Variants in RIMS1 observed in about 807,000 individuals in gnomAD.
RIMS1 encodes regulating synaptic membrane exocytosis 1, also known as regulating synaptic membrane exocytosis protein 1.
RIMS1 carries 83 observed loss-of-function variants against 214.1 expected under a neutral mutation model. The observed-to-expected ratio is 0.39, with a 90% CI of 0.32 to 0.47. RIMS1 has a LOEUF of 0.47. RIMS1 is among the 20% of genes least tolerant of loss of function. The probability of loss-of-function intolerance (pLI) is 0.99; values close to 1 mark genes in which losing one functional copy is unlikely to be tolerated. For synonymous variants in RIMS1, 793 were observed against 786.8 expected, an observed-to-expected ratio of 1.01 and a Z score of -0.13; for missense variants, 2,050 against 2,161.8, an observed-to-expected ratio of 0.95 and a Z score of 1.03.
At chr6:72,210,413 AT>A (rs1219751847) in intron 6 of RIMS1, among the ~76,000 whole-genome samples, 9 of 152,220 alleles carry the variant, frequency 5.9e-5, no homozygotes, top group Non-Finnish European at 1.0e-4. Flanking sequence ...AGAATAGAAT[AT>A]GCAGTGTGTC....
At chr6:72,194,726 A>T (rs1162947970) in intron 6 of RIMS1, among the ~76,000 whole-genome samples, 1 of 152,162 alleles carries the variant, frequency 6.6e-6, no homozygotes, top group African/African-American at 2.4e-5. Context: ...TAATCTTTCA[A>T]ATACAGTTTA....
chr6:72,221,639 T>A (rs2058472498), intron 6 of RIMS1, among the ~76,000 whole-genome samples: 1 of 151,902 alleles, frequency 6.6e-6, no homozygotes, highest in Non-Finnish European at 1.5e-5. Flanking sequence ...GAAACTGAGG[T>A]TGAGTTTAGG....
At chr6:72,373,659 AT>A (rs941544267) in intron 29 of RIMS1, among the ~76,000 whole-genome samples, 4 of 152,296 alleles carry the variant, frequency 2.6e-5, no homozygotes, top group African/African-American at 9.6e-5. Flanking sequence ...TAACATTTTC[AT>A]TCATTAAAGC....
intron 26 of RIMS1, among the ~76,000 whole-genome samples, chr6:72,304,249 G>A (rs995571580): frequency 2.6e-5 from 4 of 151,600 alleles, no homozygotes; most frequent in African/African-American, 9.7e-5. Flanking sequence ...GATTTGTGGG[G>A]TAATTGGAAA....
intron 4 of RIMS1, among the ~76,000 whole-genome samples, chr6:72,149,138 G>A (rs2043162766): frequency 1.3e-5 from 2 of 152,018 alleles, no homozygotes; most frequent in East Asian, 1.9e-4. Flanking sequence ...CCTTCAACAG[G>A]GGAAAAAAAA....
chr6:72,062,701 C>T (rs755266609), intron 2 of RIMS1, among the ~76,000 whole-genome samples: 3 of 152,122 alleles, frequency 2.0e-5, no homozygotes, highest in African/African-American at 7.2e-5. Context: ...CCGCACAGTG[C>T]TGGAAGCCAG....
intron 6 of RIMS1, among the ~76,000 whole-genome samples, chr6:72,202,096 G>C (rs114326902): frequency 6.6e-6 from 1 of 152,272 alleles, no homozygotes; most frequent in South Asian, 2.1e-4. Context: ...TTGTGCAATT[G>C]TGTCTTTTTT....
At chr6:71,997,800 G>T (rs989783113) in intron 2 of RIMS1, among the ~76,000 whole-genome samples, 1 of 152,064 alleles carries the variant, frequency 6.6e-6, no homozygotes, top group African/African-American at 2.4e-5. Flanking sequence ...AAATGAAGTT[G>T]ATAGGAAAAC....
At chr6:72,341,632 G>T (rs1041834723) in intron 29 of RIMS1, among the ~76,000 whole-genome samples, 1 of 151,728 alleles carries the variant, frequency 6.6e-6, no homozygotes, top group Non-Finnish European at 1.5e-5. Context: ...ATTTACACTG[G>T]AAGGAAATCA....
At chr6:72,008,620 T>C (rs573398289) in intron 2 of RIMS1, among the ~76,000 whole-genome samples, 1 of 151,978 alleles carries the variant, frequency 6.6e-6, no homozygotes, top group Non-Finnish European at 1.5e-5. Flanking sequence ...AATAAAAGGA[T>C]GGAGGAAGAT....
At chr6:71,953,313 T>C (rs1194437998) in intron 1 of RIMS1, among the ~76,000 whole-genome samples, 1 of 152,140 alleles carries the variant, frequency 6.6e-6, no homozygotes, top group Non-Finnish European at 1.5e-5. Flanking sequence ...AAGCCCTTTC[T>C]TGTGTTATTT....
Position 72,313,528 on chromosome 6 carries a change from A to G in RIMS1, c.3986A>G (p.Tyr1329Cys), listed in dbSNP as rs1246695466. Residue 1329 changes from tyrosine (Y) to cysteine (C), a missense_variant, in exon 28 of 34, where the codon TAC becomes TGC. This residue lies in a region of RIMS1 where 889 missense variants were observed against 885.5 expected (regional missense o/e 1.00). Transcript: ENST00000521978. Reference protein sequence around the residue: ...YSKYNIHKDQYRSCDNVSAKS... With the variant: ...YSKYNIHKDQCRSCDNVSAKS... Reference sequence around the variant, plus strand: ...TAGTATAACATACATAAAGATCAGTACAGAAGCTGTGATAACGTCTCTGCC... The same window carrying G: ...TAGTATAACATACATAAAGATCAGTGCAGAAGCTGTGATAACGTCTCTGCC... The G allele has an allele frequency of 6.2e-7, 1 of 1,613,602 alleles. No homozygotes were observed. The highest frequency in any genetic ancestry group is 8.5e-7 in the Non-Finnish European group (1 of 1,179,702).
chr6:71,952,065 G>A (rs753877525), intron 1 of RIMS1, among the ~76,000 whole-genome samples: 3 of 152,170 alleles, frequency 2.0e-5, no homozygotes, highest in Non-Finnish European at 4.4e-5. Flanking sequence ...GTTCCATCAT[G>A]CATGGGCAGG....
rs370380385 is a variant in RIMS1 at position 72,161,124 on chromosome 6, T to C, written c.472-18451T>C. On this transcript the variant is annotated intron_variant, in intron 4 of 33. Transcript: ENST00000521978. ...CCTGGTTTAGTTTTAGGAGGGTGTA[T>C]GTGTCAAGGAATTTATCCATTTCTT... 3.6e-5 allele frequency among the ~76,000 whole-genome samples: 5 copies of C among 140,482 alleles called. No individual in the cohort carries two copies. In the East Asian group the frequency reaches 1.0e-3, roughly 28 times the overall value. 92.2% of individuals were successfully genotyped at this position (140,482 alleles called of 152,430 possible).
intron 4 of RIMS1, among the ~76,000 whole-genome samples, chr6:72,159,143 G>T (rs1194728164): frequency 7.1e-6 from 1 of 141,010 alleles, no homozygotes. Context: ...TTTCTCTGAT[G>T]GCCAGTGATG....
chr6:72,109,464 T>C (rs2035547077), intron 4 of RIMS1, among the ~76,000 whole-genome samples: 1 of 152,156 alleles, frequency 6.6e-6, no homozygotes, highest in Non-Finnish European at 1.5e-5. Context: ...ATGGTGGGCA[T>C]TTTTTCATGT....
intron 23 of RIMS1, among the ~76,000 whole-genome samples, chr6:72,279,497 G>A (rs1226680186): frequency 6.6e-6 from 1 of 151,744 alleles, no homozygotes; most frequent in Non-Finnish European, 1.5e-5. Context: ...GTGAATAAAG[G>A]GAGAAAAACT....
intron 29 of RIMS1, among the ~76,000 whole-genome samples, chr6:72,357,694 A>G (rs2097691003): frequency 6.6e-6 from 1 of 152,160 alleles, no homozygotes; most frequent in South Asian, 2.1e-4. Context: ...AGTGACTTTA[A>G]TCAAATCCTT....
At chr6:72,100,984 TTGAC>T (rs1335561847) in intron 4 of RIMS1, among the ~76,000 whole-genome samples, 1 of 152,024 alleles carries the variant, frequency 6.6e-6, no homozygotes, top group African/African-American at 2.4e-5. Flanking sequence ...GTCTGTACCA[TTGAC>T]TGTATGTGGG....
Sources: gnomAD v4.1 joint callset for allele counts (sites outside exome capture counted in the v4.1 genomes callset) on GRCh38, gnomAD v4.1.1 for gene constraint, gnomAD v4.1.1 regional missense constraint, MANE v1.5 for transcripts, NCBI Gene and HGNC (gene_info 2026-07-23, HGNC 2026-07-21) for gene names.